Variants in PPM1D observed in about 807,000 individuals in gnomAD.
The protein encoded by PPM1D is protein phosphatase, Mg2+/Mn2+ dependent 1D, also known as protein phosphatase 1D.
A neutral mutation model predicts 58.3 loss-of-function variants in PPM1D; 52 were observed. The observed-to-expected ratio is 0.89, with a 90% confidence interval of 0.71 to 1.12. The LOEUF (loss-of-function observed/expected upper bound fraction) is 1.12, where lower values mean the gene tolerates loss of function less well. Among genes scored for constraint, PPM1D ranks in the 50% most tolerant of loss-of-function variants. PPM1D has a pLI of 0.00. For synonymous variants in PPM1D, 278 were observed against 285.1 expected, an observed-to-expected ratio of 0.98 and a Z score of 0.25; for missense variants, 564 against 777.2, an observed-to-expected ratio of 0.73 and a Z score of 3.26.
Position 60,647,937 on chromosome 17 carries a change from C to A in PPM1D, c.872C>A (p.Ser291Ter). Residue 291 changes from serine (S) to a stop codon, truncating the protein, a stop_gained, in exon 4 of 6, where the codon TCA becomes TAA. Coordinates refer to ENST00000305921, the MANE Select transcript of PPM1D (RefSeq NM_003620.4). LOFTEE classifies it high-confidence loss of function. ...YDFFSGEFVV[S>*]PEPDTSVHTL... ...TTCTTCAGTGGTGAATTTGTGGTGTCACCTGAACCAGACACAAGTGTCCAC... is the reference window on the plus strand; with the variant it reads ...TTCTTCAGTGGTGAATTTGTGGTGTAACCTGAACCAGACACAAGTGTCCAC... The A allele has an allele frequency of 6.2e-7, 1 of 1,613,530 alleles. No homozygotes were observed. The highest frequency in any genetic ancestry group is 2.2e-5 in the East Asian group (1 of 44,860).
rs1330929562 is a variant in PPM1D, at chr17:60,612,214, A to T, written c.473-11307A>T. Among the ~76,000 whole-genome samples the T allele has an allele frequency of 8.5e-5, 13 of 152,294 alleles. No homozygotes were observed. In the East Asian group the frequency reaches 2.5e-3, roughly 29 times the overall value. On this transcript the variant is annotated intron_variant, in intron 1 of 5. Transcript: ENST00000305921. ...CCTTGTGACCATTTGCAATTATCCC[A>T]CATTCTCCAATCTCCATTTCTAGGT...
intron 4 of PPM1D, among the ~76,000 whole-genome samples, chr17:60,653,352 G>A (rs559828337): frequency 2.0e-5 from 3 of 152,242 alleles, no homozygotes; most frequent in African/African-American, 7.2e-5. Flanking sequence ...TGCAAATTGC[G>A]TGGATTTATA....
chr17:60,641,253 G>A (rs2031128912), intron 3 of PPM1D, among the ~76,000 whole-genome samples: 1 of 152,154 alleles, frequency 6.6e-6, no homozygotes. Flanking sequence ...AGCTTTGCCA[G>A]CATTGTCATT....
At chr17:60,614,785 G>A (rs980992535) in intron 1 of PPM1D, among the ~76,000 whole-genome samples, 4 of 152,090 alleles carry the variant, frequency 2.6e-5, no homozygotes, top group Non-Finnish European at 5.9e-5. Flanking sequence ...AACACTCACC[G>A]GGAAAGTCTG....
At chr17:60,610,059 A>C (rs7218827) in intron 1 of PPM1D, among the ~76,000 whole-genome samples, 7,057 of 151,932 alleles carry the variant, frequency 0.046, 582 homozygotes, top group African/African-American at 0.16. Flanking sequence ...GCGCACCTGT[A>C]GTCGCAGCTA....
Position 60,663,538 on chromosome 17 carries a change from G to A in PPM1D, c.1804G>A (p.Val602Ile), listed in dbSNP as rs2031569895. Reference sequence around the variant, plus strand: ...TTTACTTCATCAACACAGGAAAACTGTTTGTGTTTGCTGAAATGCATCTGG... The same window carrying A: ...TTTACTTCATCAACACAGGAAAACTATTTGTGTTTGCTGAAATGCATCTGG... ...NPLLHQHRKT[V>I]CVC is the part of the protein sequence containing the mutation. Residue 602 changes from valine to isoleucine, a missense_variant, in exon 6 of 6, where the codon GTT becomes ATT. Val to Ile is a conservative substitution (Grantham distance 29). Coordinates refer to ENST00000305921, the MANE Select transcript of PPM1D (RefSeq NM_003620.4). 6.2e-7 allele frequency: 1 copy of A among 1,606,780 alleles called. No individual in the cohort carries two copies. Among genetic ancestry groups the A allele is most frequent in the African/African-American group, 1.3e-5 (1 of 74,902 alleles).
chr17:60,640,684 T>G (rs971944067), intron 3 of PPM1D, among the ~76,000 whole-genome samples: 1 of 152,184 alleles, frequency 6.6e-6, no homozygotes, highest in Non-Finnish European at 1.5e-5. Context: ...CATGTCTTCC[T>G]CCTTCTCTCC....
intron 3 of PPM1D, among the ~76,000 whole-genome samples, chr17:60,639,058 C>T (rs987169812): frequency 7.9e-5 from 12 of 152,080 alleles, no homozygotes; most frequent in Admixed American, 6.6e-5. Flanking sequence ...CCTCATGGAG[C>T]TTGCAGTCTA....
intron 3 of PPM1D, among the ~76,000 whole-genome samples, chr17:60,640,644 A>C (rs1486787569): frequency 1.3e-5 from 2 of 152,164 alleles, no homozygotes; most frequent in East Asian, 1.9e-4. Context: ...TCATCCAGGT[A>C]GGGAGCATAG....
chr17:60,633,719 C>G (rs2030971796), intron 2 of PPM1D, 134 bp from the exon 3 acceptor site: 6 of 1,032,064 alleles, frequency 5.8e-6, no homozygotes, highest in Non-Finnish European at 5.4e-6. Flanking sequence ...GCTTATGCAT[C>G]TTTGTATTTG....
intron 5 of PPM1D, 56 bp from the exon 6 acceptor site, chr17:60,662,939 T>G: frequency 6.8e-7 from 1 of 1,477,498 alleles, no homozygotes; most frequent in Non-Finnish European, 9.2e-7. Flanking sequence ...CATGCATAGA[T>G]TTGTTGAGTT....
At chr17:60,622,656 AGG>A (rs1191853706) in intron 1 of PPM1D, among the ~76,000 whole-genome samples, 10 of 152,368 alleles carry the variant, frequency 6.6e-5, no homozygotes, top group Non-Finnish European at 1.0e-4. Flanking sequence ...AAATAAATAA[AGG>A]GAATAATCAT....
chr17:60,655,456 C>T (rs1406606188), intron 4 of PPM1D, among the ~76,000 whole-genome samples: 1 of 152,192 alleles, frequency 6.6e-6, no homozygotes, highest in Non-Finnish European at 1.5e-5. Context: ...TCAAGCAATT[C>T]TCCTGTCTCA....
Position 60,656,651 on chromosome 17 carries a change from G to A in PPM1D, c.1070G>A (p.Arg357His), listed in dbSNP as rs753470217. 8 of 1,614,168 alleles carry A rather than the reference G, an allele frequency of 5.0e-6. No homozygotes were observed. The East Asian group carries it at 8.9e-5, about 18-fold the overall frequency. ...ATGCTTGTGAATCGAGCATTGGGCC[G>A]CTGGAGGCAGCGTATGCTCCGAGCA... ...AKMLVNRALG[R>H]WRQRMLRADN... Residue 357 changes from arginine (R) to histidine (H), a missense_variant, in exon 5 of 6, where the codon CGC becomes CAC. This residue lies in a region of PPM1D where 18 missense variants were observed against 43.9 expected (regional missense o/e 0.41). Coordinates refer to ENST00000305921, the MANE Select transcript of PPM1D (RefSeq NM_003620.4).
intron 5 of PPM1D, chr17:60,657,191 AT>A (rs2143720917): frequency 1.1e-6 from 1 of 926,498 alleles, no homozygotes; most frequent in Admixed American, 4.4e-5. Context: ...ATTTCATTTT[AT>A]CAGTAATAAG....
chr17:60,638,290 G>T (rs958978983), intron 3 of PPM1D, among the ~76,000 whole-genome samples: 1 of 151,840 alleles, frequency 6.6e-6, no homozygotes, highest in African/African-American at 2.4e-5. Flanking sequence ...CAAAAATAAT[G>T]CTACCTTTTA....
chr17:60,656,878 A>G (rs1252312574), intron 5 of PPM1D, 37 bp downstream of exon 5: 1 of 1,612,736 alleles, frequency 6.2e-7, no homozygotes, highest in Non-Finnish European at 8.5e-7. Context: ...ATGTTTTAAT[A>G]GACACCAGTT....
At chr17:60,610,993 C>G (rs1321691773) in intron 1 of PPM1D, among the ~76,000 whole-genome samples, 1 of 152,202 alleles carries the variant, frequency 6.6e-6, no homozygotes, top group Non-Finnish European at 1.5e-5. Flanking sequence ...ATTCTCATTT[C>G]CCTGATTCCT....
chr17:60,611,593 G>GT (rs897582606), intron 1 of PPM1D, among the ~76,000 whole-genome samples: 7 of 151,752 alleles, frequency 4.6e-5, no homozygotes, highest in East Asian at 3.9e-4. Context: ...TAATTTTTGT[G>GT]TTTTTTGTAG....
Sources: allele counts gnomAD v4.1 joint callset (sites outside exome capture counted in the v4.1 genomes callset), GRCh38; gene constraint gnomAD v4.1.1; regional missense constraint gnomAD v4.1.1; transcripts MANE v1.5; gene names NCBI Gene and HGNC (gene_info 2026-07-23, HGNC 2026-07-21).